The following UCHL3 variants were observed in gnomAD, a reference collection of about 807,000 sequenced individuals.
UCHL3 encodes ubiquitin C-terminal hydrolase L3.
UCHL3 carries 22 observed loss-of-function variants against 35.8 expected under a neutral mutation model. The observed-to-expected ratio is 0.61, with a 90% CI of 0.44 to 0.88. UCHL3 has a LOEUF of 0.88. Ranked by LOEUF, UCHL3 falls within the 40% of genes least tolerant of loss-of-function variation. The pLI, the probability that UCHL3 is intolerant of heterozygous loss-of-function variation, is 0.00. For synonymous variants in UCHL3, 90 were observed against 92.8 expected (o/e 0.97, Z 0.17); for missense variants, 229 against 276.9 (o/e 0.83, Z 1.23).
At chr13:75,551,307 T>G (rs2031097902) in intron 2 of UCHL3, among the ~76,000 whole-genome samples, 1 of 151,898 alleles carries the variant, frequency 6.6e-6, no homozygotes, top group Non-Finnish European at 1.5e-5. Context: ...GATACACTCC[T>G]GTAATCCCGG....
chr13:75,594,791 C>T, intron 6 of UCHL3, 124 bp from the exon 7 acceptor site: 1 of 754,258 alleles, frequency 1.3e-6, no homozygotes, highest in Non-Finnish European at 2.1e-6. Context: ...AACATTAAGC[C>T]TTGAATTATA....
chr13:75,567,398 T>C, intron 5 of UCHL3, 86 bp downstream of exon 5: 1 of 1,202,316 alleles, frequency 8.3e-7, no homozygotes, highest in East Asian at 2.3e-5. Flanking sequence ...CTTGAAACCA[T>C]AGTTTTGAGC....
chr13:75,581,448 CAA>C (rs1179681673), intron 6 of UCHL3, among the ~76,000 whole-genome samples: 1 of 150,268 alleles, frequency 6.7e-6, no homozygotes, highest in Non-Finnish European at 1.5e-5. Context: ...CTCCTGGGCT[CAA>C]ACCATCCTTC....
Position 75,594,830 on chromosome 13 carries a change from A to G in UCHL3, c.475-85A>G, listed in dbSNP as rs908832587. Reference sequence around the variant, plus strand: ...GATAAATGTTCTCTTATATAATTTGATGTTATTTGTATGTGTTTATGTATA... The same window carrying G: ...GATAAATGTTCTCTTATATAATTTGGTGTTATTTGTATGTGTTTATGTATA... On this transcript the variant is annotated intron_variant, in intron 6 of 8. Coordinates refer to ENST00000377595, the MANE Select transcript of UCHL3 (RefSeq NM_006002.5). 4.3e-6 allele frequency: 4 copies of G among 928,510 alleles called. No individual in the cohort carries two copies. The East Asian group carries it at 1.1e-4, about 25-fold the overall frequency. 57.5% of individuals were successfully genotyped at this position (928,510 alleles called of 1,614,324 possible).
chr13:75,589,766 C>T (rs74965873), intron 6 of UCHL3, among the ~76,000 whole-genome samples: 1 of 152,158 alleles, frequency 6.6e-6, no homozygotes, highest in East Asian at 1.9e-4. Flanking sequence ...TATATATTTC[C>T]ACTTTACCTG....
At chr13:75,596,576 A>G (rs115230465) in intron 7 of UCHL3, among the ~76,000 whole-genome samples, 2,093 of 152,350 alleles carry the variant, frequency 0.014, 64 homozygotes, top group African/African-American at 0.048. Flanking sequence ...CAGAGCAAAC[A>G]TATGTAGGAT....
chr13:75,584,770 A>G (rs1279959341), intron 6 of UCHL3, among the ~76,000 whole-genome samples: 3 of 152,218 alleles, frequency 2.0e-5, no homozygotes, highest in Admixed American at 2.0e-4. Context: ...AACATAAGAA[A>G]GAATCAAATG....
chr13:75,592,676 C>A (rs1473690970), intron 6 of UCHL3, among the ~76,000 whole-genome samples: 1 of 151,278 alleles, frequency 6.6e-6, no homozygotes, highest in Non-Finnish European at 1.5e-5. Context: ...GGGCTTATCA[C>A]AGGTTCTGAG....
intron 3 of UCHL3, among the ~76,000 whole-genome samples, chr13:75,565,673 C>G (rs11616942): frequency 0.064 from 9,771 of 152,270 alleles, 442 homozygotes; most frequent in Middle Eastern, 0.092. Context: ...TGAAAAGAGG[C>G]AGTGGGCCAG....
chr13:75,592,436 A>ATG (rs2032515168), intron 6 of UCHL3, among the ~76,000 whole-genome samples: 4 of 94,206 alleles, frequency 4.2e-5, no homozygotes, highest in South Asian at 3.4e-4. Context: ...ATATATATAT[A>ATG]TATATATATA....
Position 75,605,987 on chromosome 13 carries a change from G to GC in UCHL3, c.*176dup. On this transcript the variant is annotated 3_prime_UTR_variant, in exon 9 of 9. Transcript: ENST00000377595. ...TTTTGCTCCAGGTTAAAGGTGCAATGCTTTCCTCCTCTTTTCTTGTGAAGG... is the reference window on the plus strand; with the variant it reads ...TTTTGCTCCAGGTTAAAGGTGCAATGCCTTTCCTCCTCTTTTCTTGTGAAGG... The GC allele has an allele frequency of 3.6e-6, 2 of 557,500 alleles. No individual in the cohort carries two copies. The highest frequency in any genetic ancestry group is 3.2e-6 in the Non-Finnish European group (1 of 315,882). 34.5% of individuals were successfully genotyped at this position (557,500 alleles called of 1,614,324 possible).
chr13:75,587,286 G>GAACAT (rs2032353070), intron 6 of UCHL3, among the ~76,000 whole-genome samples: 1 of 152,002 alleles, frequency 6.6e-6, no homozygotes, highest in Non-Finnish European at 1.5e-5. Flanking sequence ...GATAAAGACT[G>GAACAT]TTAGAAATGT....
chr13:75,578,638 G>A (rs1302104366), intron 6 of UCHL3, among the ~76,000 whole-genome samples: 1 of 151,980 alleles, frequency 6.6e-6, no homozygotes, highest in Non-Finnish European at 1.5e-5. Context: ...TAACATGTTT[G>A]ATTGCTAATG....
intron 6 of UCHL3, among the ~76,000 whole-genome samples, chr13:75,581,170 A>G (rs1263615759): frequency 6.6e-6 from 1 of 151,416 alleles, no homozygotes; most frequent in African/African-American, 2.4e-5. Flanking sequence ...CCCACTAATG[A>G]TCCCTTCATG....
chr13:75,594,633 A>G (rs1262579960), intron 6 of UCHL3, among the ~76,000 whole-genome samples: 1 of 152,200 alleles, frequency 6.6e-6, no homozygotes, highest in Non-Finnish European at 1.5e-5. Context: ...GCATTGTGCT[A>G]AGTGCTGAGG....
chr13:75,567,109 C>G (rs2031708951), intron 4 of UCHL3, 118 bp from the exon 5 acceptor site: 1 of 999,782 alleles, frequency 1.0e-6, no homozygotes, highest in African/African-American at 1.6e-5. Context: ...CCTTACATTT[C>G]TAACCTACCA....
In UCHL3 at chr13:75,605,957, G is replaced by A; in HGVS notation, c.*145G>A. The A allele has an allele frequency of 1.4e-6, 1 of 697,528 alleles. No individual in the cohort carries two copies. Among genetic ancestry groups the A allele is most frequent in the South Asian group, 2.2e-5 (1 of 45,098 alleles). 43.2% of individuals were successfully genotyped at this position (697,528 alleles called of 1,614,324 possible). ...AACTTTGCCTTAACCTGTGTTTTAT[G>A]TTATTTTTGCTCCAGGTTAAAGGTG... is the stretch of plus-strand genomic sequence containing the variant. On this transcript the variant is annotated 3_prime_UTR_variant, in exon 9 of 9. Coordinates refer to ENST00000377595, the MANE Select transcript of UCHL3 (RefSeq NM_006002.5).
upstream of UCHL3, chr13:75,549,546 G>C (rs1288235009): frequency 9.0e-6 from 4 of 442,240 alleles, no homozygotes; most frequent in Non-Finnish European, 1.6e-5. Flanking sequence ...TGAGGGGAGA[G>C]GGCTGTGGAT....
At chr13:75,586,264 T>A (rs4885320) in intron 6 of UCHL3, among the ~76,000 whole-genome samples, 150,751 of 152,162 alleles carry the variant, frequency 0.99, 74,694 homozygotes, top group Middle Eastern at 1. Context: ...ATTCCCAGTG[T>A]TGAAGAAGGA....
Sources: allele counts gnomAD v4.1 joint callset (sites outside exome capture counted in the v4.1 genomes callset), GRCh38; gene constraint gnomAD v4.1.1; transcripts MANE v1.5; gene names NCBI Gene and HGNC (gene_info 2026-07-23, HGNC 2026-07-21).